The following ACBD6 variants were observed in gnomAD, a reference collection of about 807,000 sequenced individuals.
The protein encoded by ACBD6 is acyl-CoA binding domain containing 6, also known as acyl-CoA-binding domain-containing protein 6.
In ACBD6, 28 loss-of-function variants were observed where a neutral mutation model predicts 37.2. The observed-to-expected ratio is 0.75, with a 90% CI of 0.56 to 1.03. The LOEUF (loss-of-function observed/expected upper bound fraction) is 1.03. ACBD6 is among the 50% of genes least tolerant of loss of function. The pLI is 0.00. For synonymous variants in ACBD6, 113 were observed against 126.8 expected (o/e 0.89, Z 0.73); for missense variants, 340 against 337.4 (o/e 1.01, Z -0.06).
chr1:180,281,989 T>C (rs1649327628), intron 8 of ACBD6, among the ~76,000 whole-genome samples: 1 of 152,226 alleles, frequency 6.6e-6, no homozygotes, highest in South Asian at 2.1e-4. Context: ...TTTTAATTCA[T>C]TTTCTTCTGT....
At chr1:180,406,616 G>A (rs1647638134) in intron 5 of ACBD6, among the ~76,000 whole-genome samples, 1 of 152,042 alleles carries the variant, frequency 6.6e-6, no homozygotes, top group Non-Finnish European at 1.5e-5. Context: ...ATAGCTATCA[G>A]TGAATAATGT....
intron 7 of ACBD6, among the ~76,000 whole-genome samples, chr1:180,305,708 T>C (rs1450259227): frequency 6.6e-6 from 1 of 152,146 alleles, no homozygotes; most frequent in Non-Finnish European, 1.5e-5. Context: ...TCCTCAGGGA[T>C]CTAGAACTAG....
chr1:180,405,358 A>G (rs1647569786), intron 5 of ACBD6, among the ~76,000 whole-genome samples: 1 of 152,238 alleles, frequency 6.6e-6, no homozygotes, highest in Non-Finnish European at 1.5e-5. Context: ...TCTTCAAAGT[A>G]TCTGAAAGAA....
At chr1:180,415,632 T>C (rs1648059067) in intron 4 of ACBD6, among the ~76,000 whole-genome samples, 11 of 152,200 alleles carry the variant, frequency 7.2e-5, no homozygotes, top group Admixed American at 7.2e-4. Context: ...AATGGGAAGT[T>C]GGTGGTAGGG....
intron 5 of ACBD6, among the ~76,000 whole-genome samples, chr1:180,399,210 T>C (rs1647242007): frequency 1.3e-5 from 2 of 152,192 alleles, no homozygotes; most frequent in Admixed American, 1.3e-4. Flanking sequence ...TATTGTAGTA[T>C]CAAAATAAAA....
At chr1:180,451,137 G>A (rs998463865) in intron 3 of ACBD6, among the ~76,000 whole-genome samples, 15 of 152,192 alleles carry the variant, frequency 9.9e-5, no homozygotes, top group African/African-American at 3.1e-4. Context: ...AATGGCCAAT[G>A]TGTACATTAA....
exon 10 of ACBD6, chr1:180,274,715 T>G: frequency 9.4e-7 from 1 of 1,067,356 alleles, no homozygotes; most frequent in Non-Finnish European, 1.3e-6. Flanking sequence ...CCTCCGCTGA[T>G]TCCTAGAAGG....
intron 3 of ACBD6, among the ~76,000 whole-genome samples, chr1:180,474,270 A>G (rs191107553): frequency 2.0e-5 from 3 of 152,292 alleles, no homozygotes; most frequent in African/African-American, 7.2e-5. Context: ...TCTGGAGTAT[A>G]TTGCTCTTTA....
At chr1:180,373,089 GTTATTTTAATAATA>G in intron 6 of ACBD6, among the ~76,000 whole-genome samples, 1 of 152,224 alleles carries the variant, frequency 6.6e-6, no homozygotes, top group South Asian at 2.1e-4. Flanking sequence ...CATGGATCAT[GTTATTTTAATAATA>G]AATAAAGGAA....
chr1:180,281,942 C>T (rs1489432765), intron 8 of ACBD6, among the ~76,000 whole-genome samples: 4 of 152,174 alleles, frequency 2.6e-5, no homozygotes, highest in Admixed American at 2.0e-4. Context: ...AGAAAGCAGA[C>T]GTGGGCTTCT....
chr1:180,361,353 A>G (rs1652845217), intron 6 of ACBD6, among the ~76,000 whole-genome samples: 1 of 149,882 alleles, frequency 6.7e-6, no homozygotes, highest in African/African-American at 2.5e-5. Context: ...GCGCTACCTT[A>G]AAGAGCAGAG....
intron 6 of ACBD6, among the ~76,000 whole-genome samples, chr1:180,367,364 G>A (rs1430199004): frequency 1.1e-4 from 17 of 152,104 alleles, no homozygotes. Context: ...TCTATCCGAG[G>A]GGGATACATT....
intron 6 of ACBD6, among the ~76,000 whole-genome samples, chr1:180,375,378 T>G (rs1375149874): frequency 6.6e-6 from 1 of 151,786 alleles, no homozygotes; most frequent in African/African-American, 2.4e-5. Flanking sequence ...CAGGCTGGAG[T>G]GCAGTGGCAC....
intron 6 of ACBD6, among the ~76,000 whole-genome samples, chr1:180,377,647 G>A (rs189115604): frequency 2.9e-4 from 44 of 152,246 alleles, no homozygotes; most frequent in African/African-American, 1.0e-3. Flanking sequence ...ATTGATGGAC[G>A]CTAAAATTAA....
chr1:180,274,686 C>A, exon 10 of ACBD6: 2 of 1,313,774 alleles, frequency 1.5e-6, no homozygotes, highest in Non-Finnish European at 1.0e-6. Flanking sequence ...TGTGAATTTC[C>A]ATTATTTTCA....
At chr1:180,334,389 A>G (rs1261424734) in intron 6 of ACBD6, among the ~76,000 whole-genome samples, 1 of 152,336 alleles carries the variant, frequency 6.6e-6, no homozygotes, top group African/African-American at 2.4e-5. Context: ...GCCGCTGCTG[A>G]TACCCAGGCA....
chr1:180,390,160 A>C lies in ACBD6; in HGVS notation c.663+7356T>G, dbSNP rs917370888. ...GGTCTAACGTTTAAGTCTTTAATCC[A>C]CCTTGAATTAATTTTTGTAGAAGGT... On this transcript the variant is annotated intron_variant, in intron 6 of 7. Coordinates refer to ENST00000367595, the MANE Select transcript of ACBD6 (RefSeq NM_032360.4). Among the ~76,000 whole-genome samples the C allele has an allele frequency of 2.6e-5, 4 of 152,072 alleles. No individual in the cohort carries two copies. In the South Asian group the frequency reaches 8.3e-4, roughly 31 times the overall value.
Position 180,397,521 on chromosome 1 carries a change from A to G in ACBD6, c.658T>C (p.Cys220Arg). The change falls in exon 6 of 8, where the codon TGT (cysteine) becomes CGT (arginine). Residue 220 changes from cysteine (C) to arginine (R), a missense_variant. Cys to Arg is a radical substitution (Grantham distance 180). Transcript: ENST00000367595. ...VLLQHRADIN[C>R]QDNEGQTALH... is the part of the protein sequence containing the mutation. ...CTCTTCTTTATCACTCTTACCTGAC[A>G]GTTAATGTCAGCTCTATGTTGCAGC... 6.2e-7 allele frequency: 1 copy of G among 1,613,180 alleles called. No individual in the cohort carries two copies. The highest frequency in any genetic ancestry group is 8.5e-7 in the Non-Finnish European group (1 of 1,179,080).
chr1:180,461,159 A>C (rs1206217880), intron 3 of ACBD6, among the ~76,000 whole-genome samples: 1 of 152,188 alleles, frequency 6.6e-6, no homozygotes, highest in Admixed American at 6.5e-5. Context: ...TTAGAGCTTG[A>C]AGACTATGTT....
Sources: allele counts gnomAD v4.1 joint callset (sites outside exome capture counted in the v4.1 genomes callset), GRCh38; gene constraint gnomAD v4.1.1; transcripts MANE v1.5; gene names NCBI Gene and HGNC (gene_info 2026-07-23, HGNC 2026-07-21).